Variants in KHDRBS2 observed in about 807,000 individuals in gnomAD.
KHDRBS2 encodes the protein KH RNA binding domain containing, signal transduction associated 2, also known as KH domain-containing, RNA-binding, signal transduction-associated protein 2.
A neutral mutation model predicts 44.3 loss-of-function variants in KHDRBS2; 26 were observed. The ratio of observed to expected loss-of-function variants is 0.59; its 90% CI spans 0.43 to 0.81. KHDRBS2 has a LOEUF of 0.81. Among genes scored for constraint, KHDRBS2 ranks in the 40% least tolerant of loss-of-function variants. The probability of loss-of-function intolerance (pLI) is 0.00; values close to 1 mark genes in which losing one functional copy is unlikely to be tolerated. For missense variants in KHDRBS2, 476 were observed against 433.1 expected, an observed-to-expected ratio of 1.10 and a Z score of -0.88; for synonymous variants, 194 against 151.1, an observed-to-expected ratio of 1.28 and a Z score of -2.08.
At chr6:61,897,717 C>G (rs111682172) in intron 5 of KHDRBS2, among the ~76,000 whole-genome samples, 38 of 122,876 alleles carry the variant, frequency 3.1e-4, no homozygotes, top group African/African-American at 1.1e-3. Flanking sequence ...CTCTGTCTCT[C>G]TCTCTCTCTC....
chr6:61,845,587 C>A (rs534044939), intron 6 of KHDRBS2, among the ~76,000 whole-genome samples: 2 of 152,278 alleles, frequency 1.3e-5, no homozygotes, highest in Admixed American at 1.3e-4. Context: ...GGATTACAGG[C>A]GTGAGCCTCT....
chr6:61,722,340 C>G (rs1438259963), intron 7 of KHDRBS2, among the ~76,000 whole-genome samples: 1 of 152,050 alleles, frequency 6.6e-6, no homozygotes, highest in African/African-American at 2.4e-5. Flanking sequence ...CTAGCAATAC[C>G]TTGCAAAATA....
intron 2 of KHDRBS2, among the ~76,000 whole-genome samples, chr6:62,081,563 A>T (rs866900667): frequency 6.6e-6 from 1 of 152,164 alleles, no homozygotes; most frequent in Non-Finnish European, 1.5e-5. Context: ...CAGTAAGACA[A>T]AAGAATAAAA....
chr6:61,575,268 A>G, the KHDRBS2 span, among the ~76,000 whole-genome samples: 1 of 152,208 alleles, frequency 6.6e-6, no homozygotes, highest in Non-Finnish European at 1.5e-5. Flanking sequence ...AATCAGCAAG[A>G]AAAACACAAA....
the KHDRBS2 span, among the ~76,000 whole-genome samples, chr6:61,582,693 A>G: frequency 1.1e-5 from 1 of 91,382 alleles, no homozygotes; most frequent in Non-Finnish European, 2.6e-5. Context: ...TTATTATGTA[A>G]CTTTTTTTTT....
At chr6:62,048,129 C>CACACAG in intron 2 of KHDRBS2, 135 bp from the exon 3 acceptor site, 1 of 583,276 alleles carries the variant, frequency 1.7e-6, no homozygotes, top group Non-Finnish European at 3.1e-6. Context: ...CATACACACA[C>CACACAG]ACACACACAC....
At chr6:61,750,187 G>A (rs1211005823) in intron 6 of KHDRBS2, among the ~76,000 whole-genome samples, 1 of 152,120 alleles carries the variant, frequency 6.6e-6, no homozygotes. Flanking sequence ...AACAGAGATT[G>A]ACAAAAGCAT....
chr6:62,139,421 C>T (rs1361034584), intron 2 of KHDRBS2, among the ~76,000 whole-genome samples: 3 of 151,878 alleles, frequency 2.0e-5, no homozygotes, highest in South Asian at 2.1e-4. Flanking sequence ...GGCGTGGTGG[C>T]GGGCACCTGT....
intron 1 of KHDRBS2, among the ~76,000 whole-genome samples, chr6:62,236,656 T>A (rs1442332110): frequency 6.6e-6 from 1 of 151,926 alleles, no homozygotes; most frequent in Admixed American, 6.6e-5. Flanking sequence ...GTCAATAATA[T>A]GGGGAGGGTA....
At chr6:62,033,517 C>T (rs1784722104) in intron 3 of KHDRBS2, among the ~76,000 whole-genome samples, 1 of 151,760 alleles carries the variant, frequency 6.6e-6, no homozygotes, top group Non-Finnish European at 1.5e-5. Context: ...CGGCAGCAGA[C>T]TTTTCAGTGG....
At chr6:61,899,274 A>AATATCTCTT (rs1803485307) in intron 5 of KHDRBS2, among the ~76,000 whole-genome samples, 1 of 151,926 alleles carries the variant, frequency 6.6e-6, no homozygotes, top group Non-Finnish European at 1.5e-5. Flanking sequence ...AAAGGAAAAG[A>AATATCTCTT]ATATCTCTTA....
intron 3 of KHDRBS2, among the ~76,000 whole-genome samples, chr6:61,999,659 T>G (rs1256545799): frequency 2.6e-5 from 4 of 152,064 alleles, no homozygotes; most frequent in Non-Finnish European, 5.9e-5. Flanking sequence ...CTCTACCAAC[T>G]TAAATCAGAT....
At chr6:62,238,755 C>T (rs1295103002) in intron 1 of KHDRBS2, among the ~76,000 whole-genome samples, 4 of 151,182 alleles carry the variant, frequency 2.6e-5, no homozygotes, top group Non-Finnish European at 5.9e-5. Flanking sequence ...AACTAACAGT[C>T]CACAGATTAT....
Position 62,003,284 on chromosome 6 carries a change from A to G in KHDRBS2, c.337-25072T>C, listed in dbSNP as rs141919471. On this transcript the variant is annotated intron_variant, in intron 3 of 8. Transcript: ENST00000281156. ...ACAAAGTGAGACCCTGTCTTTCAAA[A>G]AAGTAAAGTAAAATAAAATAAAATA... Among the ~76,000 whole-genome samples, 961 of 152,090 alleles carry G rather than the reference A, an allele frequency of 6.3e-3. 7 individuals carry two copies. The highest frequency in any genetic ancestry group is 0.021 in the African/African-American group (884 of 41,512).
the KHDRBS2 span, among the ~76,000 whole-genome samples, chr6:61,559,419 T>A: frequency 6.6e-6 from 1 of 151,894 alleles, no homozygotes; most frequent in Non-Finnish European, 1.5e-5. Flanking sequence ...TTAGAGTCAA[T>A]GTTATTACTA....
intron 4 of KHDRBS2, among the ~76,000 whole-genome samples, chr6:61,946,930 G>T (rs1014090024): frequency 6.6e-6 from 1 of 152,142 alleles, no homozygotes; most frequent in African/African-American, 2.4e-5. Context: ...AAGATTCAGC[G>T]GTCGTCCTTC....
the KHDRBS2 span, chr6:61,574,424 T>C: frequency 4.0e-6 from 6 of 1,500,362 alleles, no homozygotes; most frequent in Non-Finnish European, 5.3e-6. Context: ...GAGAAGACCA[T>C]ATGGAGCTTC....
the KHDRBS2 span, among the ~76,000 whole-genome samples, chr6:61,659,902 A>G: frequency 6.6e-6 from 1 of 151,794 alleles, no homozygotes; most frequent in Non-Finnish European, 1.5e-5. Flanking sequence ...CTAATGTAAA[A>G]TGGGGGAAAT....
At chr6:61,607,838 C>T in the KHDRBS2 span, among the ~76,000 whole-genome samples, 1 of 152,108 alleles carries the variant, frequency 6.6e-6, no homozygotes, top group Admixed American at 6.5e-5. Flanking sequence ...CAGCTGTGCA[C>T]CACCACGCCT....
Sources: allele counts gnomAD v4.1 joint callset (sites outside exome capture counted in the v4.1 genomes callset), GRCh38; gene constraint gnomAD v4.1.1; transcripts MANE v1.5; gene names NCBI Gene and HGNC (gene_info 2026-07-23, HGNC 2026-07-21).